Variants in AP5Z1 observed in about 807,000 individuals in gnomAD.
AP5Z1 encodes the protein AP-5 complex subunit zeta-1.
AP5Z1 carries 106 observed loss-of-function variants against 83.0 expected under a neutral mutation model. The observed-to-expected ratio is 1.28, with a 90% CI of 1.09 to 1.50. AP5Z1 has a LOEUF of 1.50. Among genes scored for constraint, AP5Z1 ranks in the 40% most tolerant of loss-of-function variants. AP5Z1 has a pLI of 0.00. For missense variants in AP5Z1, 1,565 were observed against 1,094.2 expected (o/e 1.43, Z -6.07); for synonymous variants, 751 against 514.1 (o/e 1.46, Z -6.23).
rs942920335 is a variant in AP5Z1, at chr7:4,794,392, G to C, written c.*3007G>C. The C allele has an allele frequency of 3.3e-5, 5 of 152,320 alleles. No individual in the cohort carries two copies. Among genetic ancestry groups the C allele is most frequent in the Non-Finnish European group, 5.9e-5 (4 of 68,130 alleles). The allele number at this position is 152,320 out of a possible 1,614,324, so 9.4% of individuals were successfully genotyped here. A position where few individuals can be genotyped will look rare whatever the true frequency, so the allele number is the denominator to read the frequency against. The stretch of plus-strand genomic sequence containing the variant: ...GCTCTTTGCAATAAATCTTGCTGCT[G>C]CTCACTCTTTGGGTCCACACTGCCT... On this transcript the variant is annotated 3_prime_UTR_variant, in exon 17 of 17. Transcript: ENST00000649063.
chr7:4,780,548 A>G lies in AP5Z1; in HGVS notation c.42-627A>G, dbSNP rs546353555. 3.3e-5 allele frequency among the ~76,000 whole-genome samples: 5 copies of G among 152,220 alleles called. No individual in the cohort carries two copies. In the East Asian group the frequency reaches 9.7e-4, roughly 30 times the overall value. On this transcript the variant is annotated intron_variant, in intron 1 of 16. Coordinates refer to ENST00000649063, the MANE Select transcript of AP5Z1 (RefSeq NM_014855.3). ...GGGAGGCCGAGGTGGGCAGATCACG[A>G]TGTCAGGAGATCAAGACCATCCTGG...
At chr7:4,789,980 C>A in intron 14 of AP5Z1, 51 bp downstream of exon 14, 3 of 1,352,428 alleles carry the variant, frequency 2.2e-6, no homozygotes, top group African/African-American at 3.0e-5. Context: ...GCCTCCTGGA[C>A]TCCTCCCCCT....
rs757247884 is a variant in AP5Z1, at chr7:4,788,933, C to T, written c.1689C>T (p.Phe563=). The change falls in exon 13 of 17, where the codon TTC becomes TTT. Residue 563 remains phenylalanine, a synonymous_variant. Coordinates refer to ENST00000649063, the MANE Select transcript of AP5Z1 (RefSeq NM_014855.3). ...CCGTGCCCACGCTGCTGCAGGCATTCTTCTCAGCAGTGACCCAGGTGAGCT... is the reference window on the plus strand; with the variant it reads ...CCGTGCCCACGCTGCTGCAGGCATTTTTCTCAGCAGTGACCCAGGTGAGCT... ...AQAVPTLLQA[F]FSAVTQVADG... 3.1e-6 allele frequency: 5 copies of T among 1,611,166 alleles called. No individual in the cohort carries two copies. Among genetic ancestry groups the T allele is most frequent in the Admixed American group, 1.7e-5 (1 of 59,912 alleles).
At chr7:4,790,270 G>A (rs747557837) in intron 14 of AP5Z1, 189 bp from the exon 15 acceptor site, 26 of 1,543,098 alleles carry the variant, frequency 1.7e-5, no homozygotes, top group East Asian at 2.4e-5. Context: ...TGAGGCCAGC[G>A]CTGGTGCCAG....
intron 1 of AP5Z1, among the ~76,000 whole-genome samples, chr7:4,777,357 A>C (rs1163492751): frequency 2.9e-5 from 4 of 138,236 alleles, no homozygotes; most frequent in African/African-American, 1.0e-4. Flanking sequence ...AGCCCTCTTT[A>C]TTTATTTATT....
chr7:4,776,481 C>G (rs1281869627), intron 1 of AP5Z1, among the ~76,000 whole-genome samples: 1 of 151,520 alleles, frequency 6.6e-6, no homozygotes, highest in Non-Finnish European at 1.5e-5. Flanking sequence ...CTTTGGGAGG[C>G]CAAGGCAGGC....
At chr7:4,787,865 A>G in intron 11 of AP5Z1, 89 bp downstream of exon 11, 2 of 1,408,028 alleles carry the variant, frequency 1.4e-6, no homozygotes, top group Non-Finnish European at 1.9e-6. Context: ...TGACCCCTAC[A>G]CCGGGGACCC....
In AP5Z1 at chr7:4,781,255, C is replaced by T; in HGVS notation, c.122C>T (p.Thr41Ile). The T allele has an allele frequency of 6.2e-7, 1 of 1,613,832 alleles. No individual in the cohort carries two copies. The highest frequency in any genetic ancestry group is 1.1e-5 in the South Asian group (1 of 91,078). ...CAGGCGGAGGACTTGGGGCCGGACA[C>T]CCTCGACTCCCTGCAGAGGCTCTTC... ...LLQAEDLGPD[T>I]LDSLQRLFLI... is the part of the protein sequence containing the mutation. Residue 41 changes from threonine to isoleucine, a missense_variant, in exon 2 of 17, where the codon ACC becomes ATC. Thr to Ile is a moderately conservative substitution (Grantham distance 89, BLOSUM62 -1). Coordinates refer to ENST00000649063, the MANE Select transcript of AP5Z1 (RefSeq NM_014855.3).
intron 5 of AP5Z1, 127 bp downstream of exon 5, chr7:4,783,925 C>A: frequency 1.8e-6 from 2 of 1,087,812 alleles, no homozygotes; most frequent in Non-Finnish European, 1.3e-6. Flanking sequence ...CCTGCCTCTG[C>A]TGCGGGGCTT....
intron 1 of AP5Z1, among the ~76,000 whole-genome samples, chr7:4,779,349 CATGTT>C (rs1282486252): frequency 6.9e-6 from 1 of 144,554 alleles, no homozygotes; most frequent in Admixed American, 6.9e-5. Context: ...TAACATATAA[CATGTT>C]ATATATCATA....
chr7:4,781,487 C>T lies in AP5Z1; in HGVS notation c.180-81C>T, dbSNP rs572408588. On this transcript the variant is annotated intron_variant, in intron 2 of 16. Coordinates refer to ENST00000649063, the MANE Select transcript of AP5Z1 (RefSeq NM_014855.3). ...CTCTGTCCACTGGCCCAAGGGTGCC[C>T]GGCCAGGTGCTCTGGGGCACCGGGT... 3.8e-4 allele frequency: 583 copies of T among 1,551,044 alleles called. 8 individuals are homozygous for T. In the East Asian group the frequency reaches 0.012, roughly 33 times the overall value.
chr7:4,788,774 G>A lies in AP5Z1; in HGVS notation c.1596-66G>A, dbSNP rs3750013. ...CTGTGCGAGAGGGAGCAGTGGCGACGTGGCCCCGGCCTGCAGTCACCAGGT... is the reference window on the plus strand; with the variant it reads ...CTGTGCGAGAGGGAGCAGTGGCGACATGGCCCCGGCCTGCAGTCACCAGGT... On this transcript the variant is annotated intron_variant, in intron 12 of 16. Transcript: ENST00000649063. The A allele has an allele frequency of 0.072, 99,978 of 1,385,678 alleles. 4,408 individuals are homozygous for A. The highest frequency in any genetic ancestry group is 0.18 in the South Asian group (12,735 of 70,514). 85.8% of individuals were successfully genotyped at this position (1,385,678 alleles called of 1,614,324 possible). A position where few individuals can be genotyped will look rare whatever the true frequency, so the allele number is the denominator to read the frequency against.
In AP5Z1 at chr7:4,784,267, GCCA is replaced by G. The variant is rs1781469442; in HGVS notation, c.689_691del (p.His230del). The stretch of plus-strand genomic sequence containing the variant: ...GACTTCTTCACGGTGCTCTCCAGCG[GCCA>G]CCGCTTCACAGACGACCAGTGGCTG... On this transcript the variant is annotated inframe_deletion, in exon 6 of 17. Transcript: ENST00000649063. 9.4e-6 allele frequency: 15 copies of G among 1,599,588 alleles called. No individual in the cohort carries two copies. The highest frequency in any genetic ancestry group is 1.3e-5 in the Non-Finnish European group (15 of 1,174,254).
In AP5Z1 at chr7:4,784,250, C is replaced by T. The variant is rs1416204436; in HGVS notation, c.669C>T (p.Phe223=). ...EVDGAVATDF[F]TVLSSGHRFT... is the part of the protein sequence containing the mutation. The stretch of plus-strand genomic sequence containing the variant: ...ACGGGGCGGTAGCCACAGACTTCTT[C>T]ACGGTGCTCTCCAGCGGCCACCGCT... Residue 223 remains phenylalanine, a synonymous_variant, in exon 6 of 17, where the codon TTC becomes TTT. Transcript: ENST00000649063. 3 of 1,583,350 alleles carry T rather than the reference C, an allele frequency of 1.9e-6. No homozygotes were observed. The highest frequency in any genetic ancestry group is 2.6e-6 in the Non-Finnish European group (3 of 1,165,872).
At chr7:4,785,166 A>C in intron 7 of AP5Z1, 118 bp downstream of exon 7, 1 of 1,466,396 alleles carries the variant, frequency 6.8e-7, no homozygotes, top group Non-Finnish European at 9.1e-7. Flanking sequence ...GTCCCTGGGT[A>C]GCCGGTTTGG....
rs1445890687 is a variant in AP5Z1 at position 4,789,025 on chromosome 7, G to A, written c.1707+74G>A. The A allele has an allele frequency of 2.3e-6, 3 of 1,317,284 alleles. No individual in the cohort carries two copies. The African/African-American group carries it at 4.4e-5, about 19-fold the overall frequency. The allele number at this position is 1,317,284 out of a possible 1,614,324, so 81.6% of individuals were successfully genotyped here. A position where few individuals can be genotyped will look rare whatever the true frequency, so the allele number is the denominator to read the frequency against. On this transcript the variant is annotated intron_variant, in intron 13 of 16. Coordinates refer to ENST00000649063, the MANE Select transcript of AP5Z1 (RefSeq NM_014855.3). The stretch of plus-strand genomic sequence containing the variant: ...GGGGCAGGCCAGAGCCAGCACTGGG[G>A]GGCCCTCTTGAGCTCTGCAGAAGGC...
rs3750013 is a variant in AP5Z1 at position 4,788,774 on chromosome 7, G to T, written c.1596-66G>T. On this transcript the variant is annotated intron_variant, in intron 12 of 16. Coordinates refer to ENST00000649063, the MANE Select transcript of AP5Z1 (RefSeq NM_014855.3). ...CTGTGCGAGAGGGAGCAGTGGCGAC[G>T]TGGCCCCGGCCTGCAGTCACCAGGT... 2.6e-4 allele frequency: 358 copies of T among 1,386,292 alleles called. 8 individuals are homozygous for T. In the South Asian group the frequency reaches 4.8e-3, roughly 19 times the overall value. The allele number at this position is 1,386,292 out of a possible 1,614,324, so 85.9% of individuals were successfully genotyped here.
At chr7:4,776,596 G>A (rs532014683) in intron 1 of AP5Z1, among the ~76,000 whole-genome samples, 2 of 151,602 alleles carry the variant, frequency 1.3e-5, no homozygotes, top group East Asian at 1.9e-4. Flanking sequence ...TTAGCCGGGC[G>A]TGGTGGTGGG....
rs1226634895 is a variant in AP5Z1 at position 4,791,115 on chromosome 7, G to A, written c.2154G>A (p.Arg718=). 3 of 1,586,078 alleles carry A rather than the reference G, an allele frequency of 1.9e-6. No homozygotes were observed. The highest frequency in any genetic ancestry group is 2.3e-5 in the East Asian group (1 of 44,062). Residue 718 remains arginine (R), a splice_region_variant and synonymous_variant, in exon 17 of 17, where the codon AGG becomes AGA. Transcript: ENST00000649063. ...TGACGGAGGGACCTTCTTTCCCCAG[G>A]GCCTCTTTATTGCTGTCAAAGATGA... The part of the protein sequence containing the change: ...LASRSQDLIP[R]ASLLLSKMRT...
Sources: gnomAD v4.1 joint callset for allele counts (sites outside exome capture counted in the v4.1 genomes callset) on GRCh38, gnomAD v4.1.1 for gene constraint, MANE v1.5 for transcripts, NCBI Gene and HGNC (gene_info 2026-07-23, HGNC 2026-07-21) for gene names.